The following BNIP2 variants were observed in gnomAD, a reference collection of about 807,000 sequenced individuals.
The protein encoded by BNIP2 is BCL2 interacting protein 2.
A neutral mutation model predicts 43.4 loss-of-function variants in BNIP2; 36 were observed. The ratio of observed to expected loss-of-function variants is 0.83; its 90% CI spans 0.64 to 1.10. The LOEUF is 1.10. BNIP2 is among the 50% of genes least tolerant of loss of function. The probability of loss-of-function intolerance (pLI) is 0.00; values close to 1 mark genes in which losing one functional copy is unlikely to be tolerated. For missense variants in BNIP2, 417 were observed against 374.1 expected, an observed-to-expected ratio of 1.11 and a Z score of -0.95; for synonymous variants, 146 against 121.0, an observed-to-expected ratio of 1.21 and a Z score of -1.35.
rs563042711 is a variant in BNIP2 at position 59,666,165 on chromosome 15, T to C, written c.894-2045A>G. The stretch of plus-strand genomic sequence containing the variant: ...CATTTAAACTGCTATCCTTTTTCTG[T>C]CACTGGGGACACTGGATCTCCCTGT... On this transcript the variant is annotated intron_variant, in intron 9 of 9. Coordinates refer to ENST00000607373, the MANE Select transcript of BNIP2 (RefSeq NM_004330.4). 2.0e-5 allele frequency among the ~76,000 whole-genome samples: 3 copies of C among 152,290 alleles called. No individual in the cohort carries two copies. The South Asian group carries it at 6.2e-4, about 32-fold the overall frequency.
chr15:59,688,852 A>G, intron 1 of BNIP2: 1 of 1,421,474 alleles, frequency 7.0e-7, no homozygotes, highest in East Asian at 2.9e-5. Context: ...AGGAGGGGCA[A>G]GGTTCCATCC....
Position 59,661,309 on chromosome 15 carries a change from G to C in BNIP2, c.*2760C>G, listed in dbSNP as rs1170354184. The C allele has an allele frequency of 1.7e-5, 2 of 114,516 alleles. No individual in the cohort carries two copies. The highest frequency in any genetic ancestry group is 7.0e-5 in the African/African-American group (2 of 28,596). 7.1% of individuals were successfully genotyped at this position (114,516 alleles called of 1,614,324 possible). ...TGCGCCACTGCACTCCAGAATGGGTGACAGAGTGAGTCTCTGTCTCCAAAA... is the reference window on the plus strand; with the variant it reads ...TGCGCCACTGCACTCCAGAATGGGTCACAGAGTGAGTCTCTGTCTCCAAAA... On this transcript the variant is annotated 3_prime_UTR_variant, in exon 10 of 10. Transcript: ENST00000607373.
In BNIP2 at chr15:59,672,676, C is replaced by G; in HGVS notation, c.536G>C (p.Ser179Thr). 3.1e-6 allele frequency: 5 copies of G among 1,613,740 alleles called. No individual in the cohort carries two copies. The highest frequency in any genetic ancestry group is 4.2e-6 in the Non-Finnish European group (5 of 1,179,778). The change falls in exon 6 of 10, where the codon AGT becomes ACT. Residue 179 changes from serine to threonine, a missense_variant. Coordinates refer to ENST00000607373, the MANE Select transcript of BNIP2 (RefSeq NM_004330.4). ...CATCAGGTATCTATAGTTAGGCTGA[C>G]TACTTTCAGGCATGAAACAGACAGC... ...VFAVCFMPES[S>T]QPNYRYLMDN...
rs1892296708 is a variant in BNIP2 at position 59,661,899 on chromosome 15, G to A, written c.*2170C>T. 1 of 152,104 alleles carries A rather than the reference G, an allele frequency of 6.6e-6. No individual in the cohort carries two copies. Among genetic ancestry groups the A allele is most frequent in the Admixed American group, 6.5e-5 (1 of 15,274 alleles). 9.4% of individuals were successfully genotyped at this position (152,104 alleles called of 1,614,324 possible). ...TATACCAGATTCCATTAAGGTGCAG[G>A]TTAAAGCAGGTATCCCTTTAGTTTA... On this transcript the variant is annotated 3_prime_UTR_variant, in exon 10 of 10. Coordinates refer to ENST00000607373, the MANE Select transcript of BNIP2 (RefSeq NM_004330.4).
rs1340338560 is a variant in BNIP2 at position 59,669,117 on chromosome 15, G to A, written c.795-127C>T. 4.7e-6 allele frequency: 5 copies of A among 1,067,442 alleles called. No individual in the cohort carries two copies. The Admixed American group carries it at 1.2e-4, about 25-fold the overall frequency. The allele number at this position is 1,067,442 out of a possible 1,614,324, so 66.1% of individuals were successfully genotyped here. A position where few individuals can be genotyped will look rare whatever the true frequency, so the allele number is the denominator to read the frequency against. On this transcript the variant is annotated intron_variant, in intron 8 of 9. Transcript: ENST00000607373. Reference sequence around the variant, plus strand: ...CACAAAAAGATGATAAATGTCTGAGGTGATGGATGTACTAATCACCCAGGT... The same window carrying A: ...CACAAAAAGATGATAAATGTCTGAGATGATGGATGTACTAATCACCCAGGT...
intron 1 of BNIP2, among the ~76,000 whole-genome samples, chr15:59,687,043 T>C (rs1461592976): frequency 6.6e-6 from 1 of 152,076 alleles, no homozygotes; most frequent in African/African-American, 2.4e-5. Flanking sequence ...ATAAAATAAA[T>C]GTTAACACAA....
intron 5 of BNIP2, 35 bp from the exon 6 acceptor site, chr15:59,672,774 G>T: frequency 6.6e-7 from 1 of 1,522,130 alleles, no homozygotes; most frequent in Non-Finnish European, 9.1e-7. Context: ...TCACCAGCAC[G>T]ATTTTACTCT....
chr15:59,680,963 A>G (rs1893630917), intron 2 of BNIP2, among the ~76,000 whole-genome samples: 1 of 152,246 alleles, frequency 6.6e-6, no homozygotes, highest in Admixed American at 6.5e-5. Context: ...TAAGTAACAC[A>G]TAAAAGTAGA....
chr15:59,675,467 G>A (rs773361503), intron 5 of BNIP2, among the ~76,000 whole-genome samples: 9 of 148,760 alleles, frequency 6.1e-5, no homozygotes, highest in Non-Finnish European at 9.0e-5. Flanking sequence ...AAAATTAGCT[G>A]GGCATGGTGG....
chr15:59,682,957 CAG>C (rs1426928428), intron 1 of BNIP2, among the ~76,000 whole-genome samples: 12 of 152,150 alleles, frequency 7.9e-5, no homozygotes, highest in African/African-American at 2.7e-4. Flanking sequence ...CATGATTCAG[CAG>C]AGTCAGGTGG....
chr15:59,678,300 C>A, intron 4 of BNIP2: 1 of 1,277,592 alleles, frequency 7.8e-7, no homozygotes, highest in Non-Finnish European at 9.9e-7. Flanking sequence ...TTTTATTGCC[C>A]AATTTAGCAA....
chr15:59,665,238 TG>T (rs1469078020), intron 9 of BNIP2: 5 of 151,842 alleles, frequency 3.3e-5, no homozygotes, highest in African/African-American at 1.2e-4. Flanking sequence ...CACTCCAGAC[TG>T]GGTGACAGAG....
chr15:59,677,769 G>A, intron 5 of BNIP2, 142 bp downstream of exon 5: 2 of 1,207,012 alleles, frequency 1.7e-6, no homozygotes, highest in Non-Finnish European at 1.1e-6. Flanking sequence ...AGGAAGAAAT[G>A]TCCTACAAAA....
At position 59,672,664 on chromosome 15, in the gene BNIP2, T is replaced by C. The variant is rs1376785521; in HGVS notation, c.548A>G (p.Tyr183Cys). Residue 183 changes from tyrosine (Y) to cysteine (C), a missense_variant, in exon 6 of 10, where the codon TAT (tyrosine) becomes TGT (cysteine). Tyr to Cys is a radical substitution (Grantham distance 194). Coordinates refer to ENST00000607373, the MANE Select transcript of BNIP2 (RefSeq NM_004330.4). ...CFMPESSQPN[Y>C]RYLMDNLFKY... ...AAAAAGATTGTCCATCAGGTATCTA[T>C]AGTTAGGCTGACTACTTTCAGGCAT... The C allele has an allele frequency of 2.5e-6, 4 of 1,613,756 alleles. No homozygotes were observed. The highest frequency in any genetic ancestry group is 3.4e-6 in the Non-Finnish European group (4 of 1,179,692).
At chr15:59,679,500 C>A in intron 4 of BNIP2, 92 bp downstream of exon 4, 2 of 1,354,936 alleles carry the variant, frequency 1.5e-6, no homozygotes, top group Non-Finnish European at 1.0e-6. Flanking sequence ...ATCTTAGTAA[C>A]AAATATATGA....
chr15:59,671,962 G>C (rs1309639740), intron 6 of BNIP2, among the ~76,000 whole-genome samples: 2 of 152,188 alleles, frequency 1.3e-5, no homozygotes, highest in African/African-American at 4.8e-5. Flanking sequence ...TGCAGTCCCA[G>C]CCACTAGGGA....
At position 59,679,695 on chromosome 15, in the gene BNIP2, AG is replaced by A. The variant is rs757881596; in HGVS notation, c.191del (p.Pro64LeufsTer19). The stretch of plus-strand genomic sequence containing the variant: ...CATCTGACAATACAGAGCCATCACT[AG>A]GATCCAGTGTCAGGCTAATGTCTGG... ...MAPDISLTLD[P>X]SDGSVLSDDL... On this transcript the variant is annotated frameshift_variant, in exon 4 of 10. Coordinates refer to ENST00000607373, the MANE Select transcript of BNIP2 (RefSeq NM_004330.4). LOFTEE classifies it high-confidence loss of function. 6.8e-6 allele frequency: 11 copies of A among 1,607,972 alleles called. No homozygotes were observed. The South Asian group carries it at 1.2e-4, about 18-fold the overall frequency.
At chr15:59,673,970 G>T (rs921385659) in intron 5 of BNIP2, among the ~76,000 whole-genome samples, 2 of 151,554 alleles carry the variant, frequency 1.3e-5, no homozygotes, top group African/African-American at 4.8e-5. Flanking sequence ...TGCACCTGTA[G>T]TCCCAGCTAC....
chr15:59,673,403 C>T (rs186545044), intron 5 of BNIP2, among the ~76,000 whole-genome samples: 3 of 151,694 alleles, frequency 2.0e-5, no homozygotes, highest in Non-Finnish European at 2.9e-5. Context: ...CGTGAGCCAC[C>T]GTGCCCGGCA....
Sources: gnomAD v4.1 joint callset for allele counts (sites outside exome capture counted in the v4.1 genomes callset) on GRCh38, gnomAD v4.1.1 for gene constraint, MANE v1.5 for transcripts, NCBI Gene and HGNC (gene_info 2026-07-23, HGNC 2026-07-21) for gene names.